Variants in RTL9 observed in about 807,000 individuals in gnomAD.
The protein encoded by RTL9 is retrotransposon Gag-like protein 9.
RTL9 carries 19 observed loss-of-function variants against 44.7 expected under a neutral mutation model. The observed-to-expected ratio is 0.42, with a 90% CI of 0.30 to 0.62. The LOEUF (loss-of-function observed/expected upper bound fraction) is 0.62, where lower values mean the gene tolerates loss of function less well. Ranked by LOEUF, RTL9 falls within the 20% of genes least tolerant of loss-of-function variation. RTL9 has a pLI of 0.16. For synonymous variants in RTL9, 407 were observed against 398.9 expected (o/e 1.02, Z -0.24); for missense variants, 1,105 against 1,080.6 (o/e 1.02, Z -0.32).
intron 1 of RTL9, among the ~76,000 whole-genome samples, chrX:110,427,759 C>T (rs1012745358): frequency 9.8e-5 from 11 of 112,207 alleles, no homozygotes; most frequent in Middle Eastern, 4.7e-3. Context: ...CATAACCACC[C>T]CCAACACTAT....
At chrX:110,372,891 G>A (rs957267450) in intron 1 of RTL9, among the ~76,000 whole-genome samples, 14 of 111,821 alleles carry the variant, frequency 1.3e-4, no homozygotes, top group Admixed American at 9.5e-4. Context: ...GTAGGGCTTA[G>A]AATTGAGTTA....
Position 110,452,620 on chromosome X carries a change from C to T in RTL9, c.2003C>T (p.Ala668Val), listed in dbSNP as rs753491999. 2.4e-5 allele frequency: 29 copies of T among 1,209,776 alleles called. No individual in the cohort carries two copies. In the Middle Eastern group the frequency reaches 1.6e-3, roughly 67 times the overall value. ...GACACAGCCTCTGGAGGGTTGTCTGCATCGCTAATGAGAGACACAGCTTCT... is the reference window on the plus strand; with the variant it reads ...GACACAGCCTCTGGAGGGTTGTCTGTATCGCTAATGAGAGACACAGCTTCT... Residue 668 changes from alanine to valine, a missense_variant, in exon 1 of 2, where the codon GCA becomes GTA. Ala to Val is a moderately conservative substitution (Grantham distance 64). Coordinates refer to ENST00000540313, the Ensembl canonical transcript of RTL9.
chrX:110,394,046 C>G (rs1263697398), intron 1 of RTL9, among the ~76,000 whole-genome samples: 3 of 112,241 alleles, frequency 2.7e-5, no homozygotes, highest in Non-Finnish European at 5.6e-5. Context: ...TATGATTTTG[C>G]TTTGCAAATG....
At chrX:110,407,492 G>T (rs1358940858) in intron 1 of RTL9, among the ~76,000 whole-genome samples, 2 of 112,662 alleles carry the variant, frequency 1.8e-5, no homozygotes, top group African/African-American at 6.5e-5. Flanking sequence ...TTTACTAGCA[G>T]ATTACTATGT....
At chrX:110,454,411 G>C in exon 1 of RTL9, 1 of 1,211,960 alleles carries the variant, frequency 8.3e-7, no homozygotes, top group Admixed American at 2.2e-5. Context: ...CATTTGTCTT[G>C]GTCTGATGCC....
At chrX:110,377,990 CAGAGCGAG>C (rs2068390078) in intron 1 of RTL9, among the ~76,000 whole-genome samples, 2 of 78,053 alleles carry the variant, frequency 2.6e-5, no homozygotes, top group East Asian at 7.9e-4. Flanking sequence ...GCCTGGGCGA[CAGAGCGAG>C]ACTCCGTCTC....
intron 1 of RTL9, among the ~76,000 whole-genome samples, chrX:110,378,346 T>TC (rs1229424617): frequency 9.0e-6 from 1 of 111,435 alleles, no homozygotes; most frequent in Non-Finnish European, 1.9e-5. Flanking sequence ...ATCTACTCTC[T>TC]CCTTGACTGT....
In RTL9 at chrX:110,436,118, C is replaced by T. The variant is rs552641962; in HGVS notation, c.-167-9035C>T. 4.4e-5 allele frequency among the ~76,000 whole-genome samples: 5 copies of T among 112,665 alleles called. No individual in the cohort carries two copies. The South Asian group carries it at 1.8e-3, about 42-fold the overall frequency. ...TGCGTTTTGCACCTCAGACTGCTAG[C>T]ATCGCTGATTTAGGTCTGGAGTTTA... is the stretch of plus-strand genomic sequence containing the variant. On this transcript the variant is annotated intron_variant, in intron 1 of 3. Transcript: ENST00000465301.
upstream of RTL9, among the ~76,000 whole-genome samples, chrX:110,448,340 T>A (rs1217442317): frequency 9.0e-6 from 1 of 110,882 alleles, no homozygotes; most frequent in African/African-American, 3.3e-5. Context: ...CCATGTCATA[T>A]CAGTTGCAGT....
chrX:110,427,732 A>C (rs758648496), intron 1 of RTL9, among the ~76,000 whole-genome samples: 1 of 112,333 alleles, frequency 8.9e-6, no homozygotes, highest in Non-Finnish European at 1.9e-5. Context: ...TTGGCATTTA[A>C]GGTCTATCTC....
At chrX:110,417,079 G>A (rs1419145665), upstream of RTL9, among the ~76,000 whole-genome samples, 3 of 112,091 alleles carry the variant, frequency 2.7e-5, no homozygotes, top group Admixed American at 2.8e-4. Flanking sequence ...CCCTTCAAAG[G>A]CAGTCTGTTT....
chrX:110,430,867 G>T (rs1013815670), intron 1 of RTL9, among the ~76,000 whole-genome samples: 3 of 112,192 alleles, frequency 2.7e-5, no homozygotes, highest in African/African-American at 9.7e-5. Context: ...ACTGAAATTG[G>T]TGAGACATCT....
At chrX:110,386,209 T>A (rs2068453841) in intron 1 of RTL9, among the ~76,000 whole-genome samples, 1 of 111,325 alleles carries the variant, frequency 9.0e-6, no homozygotes, top group African/African-American at 3.3e-5. Flanking sequence ...ACCACCAAAC[T>A]ATTTTCCAAA....
chrX:110,429,479 G>GT (rs1459699306), intron 1 of RTL9, among the ~76,000 whole-genome samples: 136 of 48,194 alleles, frequency 2.8e-3, no homozygotes, highest in East Asian at 9.9e-3. Context: ...TTTTTGTTTT[G>GT]TTTTTTTGGT....
intron 1 of RTL9, among the ~76,000 whole-genome samples, chrX:110,377,019 G>A (rs1176008090): frequency 8.9e-6 from 1 of 111,932 alleles, no homozygotes; most frequent in African/African-American, 3.3e-5. Context: ...CTACAGCACT[G>A]CAGTAGTGGT....
At chrX:110,405,089 C>A (rs947531640) in intron 1 of RTL9, among the ~76,000 whole-genome samples, 4 of 43,236 alleles carry the variant, frequency 9.3e-5, no homozygotes, top group Non-Finnish European at 1.4e-4. Context: ...CTTGTTGTGT[C>A]CCCCCCCCCC....
exon 2 of RTL9, chrX:110,455,642 CA>C (rs2068976471): frequency 5.9e-6 from 1 of 168,705 alleles, no homozygotes. Flanking sequence ...TATCTTACCT[CA>C]AAAAACCCTT....
intron 1 of RTL9, among the ~76,000 whole-genome samples, chrX:110,373,171 A>G (rs1047971449): frequency 3.4e-4 from 38 of 111,896 alleles, no homozygotes; most frequent in African/African-American, 1.2e-3. Context: ...TGGCAGCTCT[A>G]AAATTCAGAC....
intron 1 of RTL9, among the ~76,000 whole-genome samples, chrX:110,430,052 T>C (rs2068785735): frequency 8.9e-6 from 1 of 112,208 alleles, no homozygotes; most frequent in African/African-American, 3.2e-5. Flanking sequence ...GATTTGTGTT[T>C]GGTTCTTCCA....
Sources: gnomAD v4.1 joint callset for allele counts (sites outside exome capture counted in the v4.1 genomes callset) on GRCh38, gnomAD v4.1.1 for gene constraint, MANE v1.5 for transcripts, NCBI Gene and HGNC (gene_info 2026-07-23, HGNC 2026-07-21) for gene names.